The following PTPRG variants were observed in gnomAD, a reference collection of about 807,000 sequenced individuals.
PTPRG encodes protein tyrosine phosphatase receptor type G, also known as receptor-type tyrosine-protein phosphatase gamma.
In PTPRG, 102 loss-of-function variants were observed where a neutral mutation model predicts 165.3. The observed-to-expected ratio is 0.62, with a 90% CI of 0.53 to 0.73. The LOEUF (loss-of-function observed/expected upper bound fraction) is 0.73, where lower values mean the gene tolerates loss of function less well. Among genes scored for constraint, PTPRG ranks in the 30% least tolerant of loss-of-function variants. The pLI is 0.00. For missense variants in PTPRG, 1,866 were observed against 1,861.4 expected, an observed-to-expected ratio of 1.00 and a Z score of -0.05; for synonymous variants, 675 against 669.5, an observed-to-expected ratio of 1.01 and a Z score of -0.13.
At chr3:61,717,137 T>C (rs1335659512) in intron 1 of PTPRG, among the ~76,000 whole-genome samples, 1 of 152,230 alleles carries the variant, frequency 6.6e-6, no homozygotes, top group African/African-American at 2.4e-5. Context: ...TTGTAAAAGA[T>C]TTTTATGTTT....
At chr3:61,699,797 G>T (rs2030847193) in intron 1 of PTPRG, among the ~76,000 whole-genome samples, 1 of 152,194 alleles carries the variant, frequency 6.6e-6, no homozygotes, top group South Asian at 2.1e-4. Flanking sequence ...AAAGAAGCTA[G>T]CTTCAGAGCA....
At chr3:61,991,507 G>A (rs1439087516) in intron 3 of PTPRG, among the ~76,000 whole-genome samples, 4 of 152,164 alleles carry the variant, frequency 2.6e-5, no homozygotes, top group African/African-American at 9.7e-5. Flanking sequence ...CACCTGGCCT[G>A]TACGTACCTT....
intron 2 of PTPRG, among the ~76,000 whole-genome samples, chr3:61,826,507 A>G (rs1414340818): frequency 6.8e-6 from 1 of 146,728 alleles, no homozygotes; most frequent in Non-Finnish European, 1.5e-5. Context: ...TTTCTTCCAC[A>G]TCTTCCAGAA....
intron 4 of PTPRG, among the ~76,000 whole-genome samples, chr3:62,066,740 G>A (rs1387822376): frequency 6.6e-6 from 1 of 152,098 alleles, no homozygotes; most frequent in Admixed American, 6.6e-5. Context: ...TTATGTGTAT[G>A]GACAAAAGTG....
At chr3:62,231,565 C>T (rs559191255) in intron 14 of PTPRG, among the ~76,000 whole-genome samples, 47 of 151,782 alleles carry the variant, frequency 3.1e-4, no homozygotes, top group African/African-American at 1.0e-3. Flanking sequence ...TATTTGTTTC[C>T]GGGTTTGTAT....
chr3:61,920,425 C>T (rs552656199), intron 2 of PTPRG, among the ~76,000 whole-genome samples: 2 of 152,088 alleles, frequency 1.3e-5, no homozygotes, highest in African/African-American at 2.4e-5. Flanking sequence ...GAGACGGAGT[C>T]TTGCTCTGTT....
chr3:62,173,834 G>A (rs1016943334), intron 8 of PTPRG, among the ~76,000 whole-genome samples: 1 of 152,136 alleles, frequency 6.6e-6, no homozygotes, highest in Non-Finnish European at 1.5e-5. Context: ...ATGATTGGAC[G>A]TCCTGGAATA....
chr3:61,689,871 A>G (rs1236011208), intron 1 of PTPRG, among the ~76,000 whole-genome samples: 2 of 152,206 alleles, frequency 1.3e-5, no homozygotes, highest in Non-Finnish European at 2.9e-5. Flanking sequence ...ACCTGATTCC[A>G]TTTATTTCCT....
At chr3:61,722,977 G>A (rs944079523) in intron 1 of PTPRG, among the ~76,000 whole-genome samples, 2 of 152,014 alleles carry the variant, frequency 1.3e-5, no homozygotes, top group African/African-American at 2.4e-5. Flanking sequence ...TGGGTTTCTC[G>A]GGGTGAGCAG....
intron 2 of PTPRG, among the ~76,000 whole-genome samples, chr3:61,809,537 A>C (rs748877168): frequency 6.6e-6 from 1 of 152,146 alleles, no homozygotes; most frequent in Non-Finnish European, 1.5e-5. Flanking sequence ...CTTTATGGAG[A>C]GAAACTTACA....
At chr3:61,873,652 G>A (rs1458285948) in intron 2 of PTPRG, among the ~76,000 whole-genome samples, 3 of 152,172 alleles carry the variant, frequency 2.0e-5, no homozygotes, top group East Asian at 1.9e-4. Context: ...AATTGGTAAT[G>A]TGTGGAATTG....
In PTPRG at chr3:62,273,109, G is replaced by A. The variant is rs753202832; in HGVS notation, c.3318+28G>A. 5.1e-5 allele frequency: 80 copies of A among 1,582,062 alleles called. No homozygotes were observed. In the Admixed American group the frequency reaches 6.0e-4, roughly 12 times the overall value. On this transcript the variant is annotated intron_variant, in intron 22 of 29. Coordinates refer to ENST00000474889, the MANE Select transcript of PTPRG (RefSeq NM_002841.4). The surrounding 1 kb of genome is among the most constrained non-coding windows in gnomAD (Gnocchi z 4.1). ...AAGGAGTAGCTGCCAGCGTCCTCAC[G>A]ACATTCTGGCAAATGCTGTAACTGA...
chr3:61,614,292 G>T (rs1470022513), intron 1 of PTPRG, among the ~76,000 whole-genome samples: 1 of 152,042 alleles, frequency 6.6e-6, no homozygotes, highest in African/African-American at 2.4e-5. Flanking sequence ...AGTCAAACTG[G>T]TAGATTCCAA....
rs772371930 is a variant in PTPRG at position 62,203,419 on chromosome 3, G to T, written c.1624G>T (p.Ala542Ser). 3.7e-6 allele frequency: 6 copies of T among 1,608,160 alleles called. No individual in the cohort carries two copies. The highest frequency in any genetic ancestry group is 5.1e-6 in the Non-Finnish European group (6 of 1,177,552). Residue 542 changes from alanine to serine, a missense_variant, in exon 12 of 30, where the codon GCC (alanine) becomes TCC (serine). Physicochemically the swap from Ala to Ser is moderately conservative, Grantham distance 99. This residue lies in a region of PTPRG where 1,452 missense variants were observed against 1,463.0 expected (regional missense o/e 0.99). Coordinates refer to ENST00000474889, the MANE Select transcript of PTPRG (RefSeq NM_002841.4). The surrounding 1 kb of genome is among the most constrained non-coding windows in gnomAD (Gnocchi z 6.4). Reference sequence around the variant, plus strand: ...GTGGCCCACGCGCCTCCCGACGGCCGCCTCAGCCAGCAAGCAGGCGGCTAG... The same window carrying T: ...GTGGCCCACGCGCCTCCCGACGGCCTCCTCAGCCAGCAAGCAGGCGGCTAG... ...TVWPTRLPTA[A>S]SASKQAARPV...
At chr3:61,764,087 A>G (rs1415981564) in intron 2 of PTPRG, among the ~76,000 whole-genome samples, 1 of 152,198 alleles carries the variant, frequency 6.6e-6, no homozygotes, top group Non-Finnish European at 1.5e-5. Context: ...CCAGCAGGTA[A>G]CATATTATTG....
At chr3:62,182,224 A>C (rs1217382059) in intron 8 of PTPRG, among the ~76,000 whole-genome samples, 1 of 152,128 alleles carries the variant, frequency 6.6e-6, no homozygotes, top group East Asian at 1.9e-4. Context: ...GTGGAAATTC[A>C]CTTATAAATT....
Position 61,562,236 on chromosome 3 carries a change from A to G in PTPRG, c.-52A>G. 1.3e-6 allele frequency: 2 copies of G among 1,534,538 alleles called. No homozygotes were observed. The highest frequency in any genetic ancestry group is 1.8e-6 in the Non-Finnish European group (2 of 1,107,912). ...GAGGCTCGCACGGAGGCAAGAACTT[A>G]TTCAACAAGTTTACCTCCCTGCTTT... On this transcript the variant is annotated 5_prime_UTR_variant, in exon 1 of 30. Coordinates refer to ENST00000474889, the MANE Select transcript of PTPRG (RefSeq NM_002841.4).
intron 1 of PTPRG, among the ~76,000 whole-genome samples, chr3:61,582,601 G>T (rs1243735730): frequency 6.6e-6 from 1 of 152,188 alleles, no homozygotes; most frequent in East Asian, 1.9e-4. Context: ...TTCTGTGTTT[G>T]TTGGGATGCT....
At chr3:62,037,428 C>T (rs1213336682) in intron 4 of PTPRG, among the ~76,000 whole-genome samples, 1 of 152,286 alleles carries the variant, frequency 6.6e-6, no homozygotes, top group East Asian at 1.9e-4. Context: ...CATCCCGGAC[C>T]TCTAGCCAAC....
Sources: gnomAD v4.1 joint callset for allele counts (sites outside exome capture counted in the v4.1 genomes callset) on GRCh38, gnomAD v4.1.1 for gene constraint, gnomAD v4.1.1 regional missense constraint, Gnocchi (gnomAD v3.1) non-coding constraint, MANE v1.5 for transcripts, NCBI Gene and HGNC (gene_info 2026-07-23, HGNC 2026-07-21) for gene names.